The following TUSC3 variants were observed in gnomAD, a reference collection of about 807,000 sequenced individuals.
TUSC3 encodes the protein dolichyl-diphosphooligosaccharide--protein glycosyltransferase subunit TUSC3.
Under a neutral mutation model 44.8 loss-of-function variants are expected in TUSC3, and 45 were observed. The ratio of observed to expected loss-of-function variants is 1.00; its 90% CI spans 0.79 to 1.29. TUSC3 has a LOEUF of 1.29. TUSC3 is among the 50% of genes most tolerant of loss of function. TUSC3 has a pLI of 0.00. For missense variants in TUSC3, 519 were observed against 437.9 expected, an observed-to-expected ratio of 1.19 and a Z score of -1.65; for synonymous variants, 212 against 152.9, an observed-to-expected ratio of 1.39 and a Z score of -2.85.
chr8:15,423,904 T>C lies in TUSC3; in HGVS notation n.91+6599T>C, dbSNP rs978074747. Among the ~76,000 whole-genome samples the C allele has an allele frequency of 4.6e-5, 7 of 151,362 alleles. No homozygotes were observed. In the East Asian group the frequency reaches 1.4e-3, roughly 30 times the overall value. Reference sequence around the variant, plus strand: ...GATTACCCCTGTTGTGTGGGGCTTATTGACCAGGATGTTTCCAGGAAAGTC... The same window carrying C: ...GATTACCCCTGTTGTGTGGGGCTTACTGACCAGGATGTTTCCAGGAAAGTC... On this transcript the variant is annotated intron_variant and non_coding_transcript_variant, in intron 1 of 5. Transcript: ENST00000503191.
At chr8:15,688,463 G>C (rs1808737831) in intron 6 of TUSC3, among the ~76,000 whole-genome samples, 1 of 142,936 alleles carries the variant, frequency 7.0e-6, no homozygotes, top group South Asian at 2.2e-4. Flanking sequence ...TTAGGTTCAA[G>C]GGTACTTGTG....
intron 6 of TUSC3, among the ~76,000 whole-genome samples, chr8:15,730,330 A>G (rs1489912649): frequency 6.6e-6 from 1 of 152,182 alleles, no homozygotes; most frequent in East Asian, 1.9e-4. Flanking sequence ...ATGAAAAATC[A>G]TAAAAATGTT....
chr8:15,573,218 A>G (rs866659808), intron 1 of TUSC3, among the ~76,000 whole-genome samples: 2 of 139,468 alleles, frequency 1.4e-5, no homozygotes, highest in African/African-American at 5.5e-5. Flanking sequence ...ATATATATAT[A>G]TATATATATA....
At chr8:15,688,243 G>A (rs549823137) in intron 6 of TUSC3, among the ~76,000 whole-genome samples, 9 of 152,102 alleles carry the variant, frequency 5.9e-5, no homozygotes, top group Middle Eastern at 6.8e-3. Flanking sequence ...TGAAAAAAGC[G>A]TTTCTCATTT....
intron 2 of TUSC3, among the ~76,000 whole-genome samples, chr8:15,643,362 A>T (rs1035984906): frequency 6.6e-6 from 1 of 151,494 alleles, no homozygotes; most frequent in African/African-American, 2.4e-5. Flanking sequence ...ATTGTGTGAC[A>T]TTCTTCTTGG....
chr8:15,736,581 A>G (rs1810947736), intron 7 of TUSC3, among the ~76,000 whole-genome samples: 1 of 152,178 alleles, frequency 6.6e-6, no homozygotes, highest in South Asian at 2.1e-4. Context: ...TTTTCTTACT[A>G]AATACACTTA....
chr8:15,843,593 C>CCT, the TUSC3 span, among the ~76,000 whole-genome samples: 4 of 91,142 alleles, frequency 4.4e-5, no homozygotes, highest in African/African-American at 3.2e-4. Flanking sequence ...ACTTGATGTA[C>CCT]ATATATATAT....
the TUSC3 span, among the ~76,000 whole-genome samples, chr8:15,794,395 T>C: frequency 6.6e-6 from 1 of 152,140 alleles, no homozygotes; most frequent in Admixed American, 6.6e-5. Flanking sequence ...ACATACAAAA[T>C]TGATGATTCC....
chr8:15,811,149 G>A, the TUSC3 span, among the ~76,000 whole-genome samples: 1 of 152,142 alleles, frequency 6.6e-6, no homozygotes, highest in African/African-American at 2.4e-5. Context: ...AGCATTGAAG[G>A]ACCCATTCTT....
intron 6 of TUSC3, among the ~76,000 whole-genome samples, chr8:15,720,178 G>C (rs1331265671): frequency 2.1e-5 from 3 of 141,424 alleles, no homozygotes; most frequent in South Asian, 2.3e-4. Flanking sequence ...ATATATCATT[G>C]TTAAATATAG....
At chr8:15,746,249 G>GTCTAATTAATGTA (rs1811410200) in intron 8 of TUSC3, among the ~76,000 whole-genome samples, 1 of 151,904 alleles carries the variant, frequency 6.6e-6, no homozygotes, top group Non-Finnish European at 1.5e-5. Flanking sequence ...TTAAATCACC[G>GTCTAATTAATGTA]TTTTCAACTC....
intron 2 of TUSC3, among the ~76,000 whole-genome samples, chr8:15,512,559 G>A (rs766224519): frequency 1.2e-4 from 19 of 152,036 alleles, no homozygotes; most frequent in African/African-American, 2.9e-4. Context: ...GATCACTTGA[G>A]GTCAGCAGTT....
intron 1 of TUSC3, among the ~76,000 whole-genome samples, chr8:15,604,165 A>G (rs1157135639): frequency 1.3e-5 from 2 of 151,744 alleles, no homozygotes; most frequent in East Asian, 3.9e-4. Context: ...AGTATTATGC[A>G]AATTAAAGAC....
chr8:15,583,752 A>C (rs1034604379), intron 1 of TUSC3, among the ~76,000 whole-genome samples: 10 of 152,232 alleles, frequency 6.6e-5, no homozygotes, highest in African/African-American at 2.4e-4. Flanking sequence ...AAATTTAATT[A>C]AAATGGATTT....
intron 9 of TUSC3, among the ~76,000 whole-genome samples, chr8:15,753,554 C>G (rs943003644): frequency 2.0e-5 from 3 of 152,030 alleles, no homozygotes; most frequent in Non-Finnish European, 4.4e-5. Context: ...GTTTTAATCC[C>G]TTTTGTTAGT....
chr8:15,771,070 G>C (rs945915092), downstream of TUSC3, among the ~76,000 whole-genome samples: 1 of 152,162 alleles, frequency 6.6e-6, no homozygotes, highest in African/African-American at 2.4e-5. Context: ...ATAGCCAGTT[G>C]CTCATTAGAG....
In TUSC3 at chr8:15,601,965, T is replaced by G. The variant is rs192182677; in HGVS notation, c.139-21115T>G. 8.6e-5 allele frequency among the ~76,000 whole-genome samples: 13 copies of G among 151,656 alleles called. No individual in the cohort carries two copies. In the Admixed American group the frequency reaches 8.6e-4, roughly 10 times the overall value. On this transcript the variant is annotated intron_variant, in intron 1 of 10. Transcript: ENST00000503731. ...AACTGACACGCAGAACTAGCATTTA[T>G]TTGTACATTATAATTTGTATCAATT...
At chr8:15,659,723 G>C in intron 4 of TUSC3, 76 bp downstream of exon 4, 1 of 1,571,174 alleles carries the variant, frequency 6.4e-7, no homozygotes, top group Admixed American at 1.7e-5. Context: ...TAAGGCCACA[G>C]TAATACTTTT....
chr8:15,583,136 C>A (rs768624974), intron 1 of TUSC3, among the ~76,000 whole-genome samples: 6 of 152,128 alleles, frequency 3.9e-5, no homozygotes, highest in Non-Finnish European at 5.9e-5. Flanking sequence ...TAAACTAGAA[C>A]TGTTCTAAAC....
Sources: gnomAD v4.1 joint callset for allele counts (sites outside exome capture counted in the v4.1 genomes callset) on GRCh38, gnomAD v4.1.1 for gene constraint, MANE v1.5 for transcripts, NCBI Gene and HGNC (gene_info 2026-07-23, HGNC 2026-07-21) for gene names.